Variants in CEP164 observed in about 807,000 individuals in gnomAD.
The protein encoded by CEP164 is centrosomal protein 164.
In CEP164, 162 loss-of-function variants were observed where a neutral mutation model predicts 182.7. That is an observed-to-expected ratio of 0.89 (90% CI 0.78 to 1.01). The LOEUF (loss-of-function observed/expected upper bound fraction) is 1.01, where lower values mean the gene tolerates loss of function less well. Among genes scored for constraint, CEP164 ranks in the 50% least tolerant of loss-of-function variants. CEP164 has a pLI of 0.00. For missense variants in CEP164, 1,735 were observed against 1,790.4 expected (o/e 0.97, Z 0.56); for synonymous variants, 661 against 690.0 (o/e 0.96, Z 0.66).
At chr11:117,355,657 G>A in intron 5 of CEP164, 1 of 1,191,256 alleles carries the variant, frequency 8.4e-7, no homozygotes, top group Non-Finnish European at 1.1e-6. Context: ...TGAGCTGGCA[G>A]GGAGTTCCTG....
chr11:117,325,178 G>C (rs542959548), upstream of CEP164, among the ~76,000 whole-genome samples: 4 of 152,112 alleles, frequency 2.6e-5, no homozygotes, highest in Non-Finnish European at 4.4e-5. Context: ...CCTGCCTCTC[G>C]GGTTCAAGCG....
chr11:117,338,090 C>G (rs189853672), intron 2 of CEP164, among the ~76,000 whole-genome samples: 1 of 151,962 alleles, frequency 6.6e-6, no homozygotes, highest in Admixed American at 6.6e-5. Context: ...CTCTTGAGGT[C>G]GTTCCCGCCA....
intron 17 of CEP164, 128 bp from the exon 18 acceptor site, chr11:117,392,098 C>T (rs541247831): frequency 6.1e-6 from 4 of 654,478 alleles, no homozygotes; most frequent in African/African-American, 5.4e-5. Flanking sequence ...CAAAGATGTG[C>T]TGTGCTTCCC....
intron 5 of CEP164, chr11:117,354,974 C>T (rs947271958): frequency 2.3e-6 from 3 of 1,289,292 alleles, no homozygotes; most frequent in Admixed American, 4.6e-5. Context: ...TTCATCCTTT[C>T]TCTGCAGCTT....
chr11:117,400,510 T>C (rs905699136), intron 27 of CEP164, among the ~76,000 whole-genome samples: 3 of 152,188 alleles, frequency 2.0e-5, no homozygotes. Context: ...TAGTTTTTTC[T>C]AATTCTGTGA....
In CEP164 at chr11:117,408,667, C is replaced by A. The variant is rs541629869; in HGVS notation, c.3610-223C>A. The A allele has an allele frequency of 9.7e-5, 56 of 577,548 alleles. 3 individuals carry two copies. In the African/African-American group the frequency reaches 1.0e-3, roughly 10 times the overall value. 35.8% of individuals were successfully genotyped at this position (577,548 alleles called of 1,614,324 possible). On this transcript the variant is annotated intron_variant, in intron 28 of 32. Transcript: ENST00000278935. ...CCAAGTCCTCAGTTCCCACACATCACAAGGGCGACAGCCTACATACCACCT... is the reference window on the plus strand; with the variant it reads ...CCAAGTCCTCAGTTCCCACACATCAAAAGGGCGACAGCCTACATACCACCT...
At chr11:117,345,686 C>T (rs912950913) in intron 4 of CEP164, among the ~76,000 whole-genome samples, 11 of 151,756 alleles carry the variant, frequency 7.2e-5, no homozygotes, top group Non-Finnish European at 1.5e-4. Flanking sequence ...CTTTTTGTTT[C>T]TTGATCTTTT....
intron 27 of CEP164, among the ~76,000 whole-genome samples, chr11:117,398,277 CT>C (rs1172928692): frequency 1.3e-5 from 2 of 152,236 alleles, no homozygotes; most frequent in Non-Finnish European, 2.9e-5. Flanking sequence ...AGCTCCGCCC[CT>C]GTGGCTTTGC....
chr11:117,355,824 T>C lies in CEP164; in HGVS notation c.393+3836T>C, dbSNP rs2040232440. The C allele has an allele frequency of 4.6e-6, 5 of 1,078,952 alleles. No individual in the cohort carries two copies. In the South Asian group the frequency reaches 1.1e-4, roughly 24 times the overall value. 66.8% of individuals were successfully genotyped at this position (1,078,952 alleles called of 1,614,324 possible). ...GCTCTAGGGGCCTCAGCTGAAGATC[T>C]ACCTCAGGGTCTCTTGCTAATACCA... On this transcript the variant is annotated intron_variant, in intron 5 of 32. Transcript: ENST00000278935.
rs2035558492 is a variant in CEP164 at position 117,327,876 on chromosome 11, C to G, written c.-126C>G. 1 of 152,232 alleles carries G rather than the reference C, an allele frequency of 6.6e-6. No individual in the cohort carries two copies. The highest frequency in any genetic ancestry group is 1.5e-5 in the Non-Finnish European group (1 of 68,066). 9.4% of individuals were successfully genotyped at this position (152,232 alleles called of 1,614,324 possible). On this transcript the variant is annotated 5_prime_UTR_variant, in exon 1 of 33. Coordinates refer to ENST00000278935, the MANE Select transcript of CEP164 (RefSeq NM_014956.5). Reference sequence around the variant, plus strand: ...TTTGTTGCGCGCTGCAGGGCAACACCCCGGCGTCCCTGGAAGCTGGGGGAG... The same window carrying G: ...TTTGTTGCGCGCTGCAGGGCAACACGCCGGCGTCCCTGGAAGCTGGGGGAG...
Position 117,394,828 on chromosome 11 carries a change from T to C in CEP164, c.2761-92T>C. The C allele has an allele frequency of 8.1e-7, 1 of 1,236,132 alleles. No individual in the cohort carries two copies. The highest frequency in any genetic ancestry group is 2.3e-5 in the East Asian group (1 of 42,914). 76.6% of individuals were successfully genotyped at this position (1,236,132 alleles called of 1,614,324 possible). The stretch of plus-strand genomic sequence containing the variant: ...AAGCCTGAGCCCAGAGTGGAGGTTG[T>C]GGTGTGGCATGGTGGGTTCTGGAAC... On this transcript the variant is annotated intron_variant, in intron 21 of 32. Transcript: ENST00000278935. This position sits in a 1 kb window ranked among gnomAD's most constrained non-coding sequence, Gnocchi z 4.0.
intron 15 of CEP164, 117 bp downstream of exon 15, chr11:117,387,529 A>C: frequency 4.2e-6 from 4 of 961,426 alleles, no homozygotes; most frequent in Non-Finnish European, 4.6e-6. Context: ...AGACCAACTA[A>C]AGTTGGGAAA....
intron 14 of CEP164, chr11:117,386,571 T>G (rs1465718949): frequency 1.3e-5 from 2 of 152,986 alleles, no homozygotes; most frequent in East Asian, 3.9e-4. Context: ...GGCACTCATG[T>G]GCATGCTTGC....
chr11:117,345,548 C>T (rs1369464290), intron 4 of CEP164, among the ~76,000 whole-genome samples: 3 of 152,204 alleles, frequency 2.0e-5, no homozygotes, highest in Non-Finnish European at 4.4e-5. Flanking sequence ...ATTTTGTAGA[C>T]AAGGCGTAAT....
Position 117,395,635 on chromosome 11 carries a change from TTGA to T in CEP164, c.3006_3008del (p.Asp1002del), listed in dbSNP as rs779936345. The T allele has an allele frequency of 1.9e-6, 3 of 1,613,936 alleles. No individual in the cohort carries two copies. The highest frequency in any genetic ancestry group is 2.5e-6 in the Non-Finnish European group (3 of 1,180,036). On this transcript the variant is annotated inframe_deletion, in exon 24 of 33. Coordinates refer to ENST00000278935, the MANE Select transcript of CEP164 (RefSeq NM_014956.5). Reference sequence around the variant, plus strand: ...TCAAACCAGCAGCTCCGAGAAATTCTTGATGAGCTGCAGGCCCGCAAGCTGAAG... The same window carrying T: ...TCAAACCAGCAGCTCCGAGAAATTCTTGAGCTGCAGGCCCGCAAGCTGAAG...
rs545471229 is a variant in CEP164 at position 117,381,748 on chromosome 11, G to A, written c.1457G>A (p.Arg486His). ...GAGGAGCGGGCCCAGAGTCCCCCTC[G>A]CAGCCTGGCCACTGAAGAAGAGCCT... The part of the protein sequence containing the change: ...PHEERAQSPP[R>H]SLATEEEPPQ... The change falls in exon 13 of 33, where the codon CGC becomes CAC. Residue 486 changes from arginine (R) to histidine (H), a missense_variant. Physicochemically the swap from Arg to His is conservative, Grantham distance 29 (BLOSUM62 0). Coordinates refer to ENST00000278935, the MANE Select transcript of CEP164 (RefSeq NM_014956.5). 18 of 1,609,148 alleles carry A rather than the reference G, an allele frequency of 1.1e-5. No homozygotes were observed. Among genetic ancestry groups the A allele is most frequent in the Middle Eastern group, 1.7e-4 (1 of 5,924 alleles).
At chr11:117,392,855 T>C (rs1035343381) in intron 19 of CEP164, 149 bp from the exon 20 acceptor site, 21 of 1,312,672 alleles carry the variant, frequency 1.6e-5, no homozygotes, top group Middle Eastern at 5.2e-4. Context: ...GGCTGTGTGC[T>C]GACCATGGTG....
intron 30 of CEP164, chr11:117,410,617 C>CA (rs1252262743): frequency 2.0e-6 from 1 of 490,042 alleles, no homozygotes; most frequent in African/African-American, 1.9e-5. Flanking sequence ...TGAGGGGAAA[C>CA]AAAATATCTT....
chr11:117,349,572 A>G (rs1235098867), intron 4 of CEP164, among the ~76,000 whole-genome samples: 1 of 152,116 alleles, frequency 6.6e-6, no homozygotes, highest in Non-Finnish European at 1.5e-5. Flanking sequence ...TGCAGCCTCG[A>G]ACAGCTGGGC....
Sources: gnomAD v4.1 joint callset for allele counts (sites outside exome capture counted in the v4.1 genomes callset) on GRCh38, gnomAD v4.1.1 for gene constraint, Gnocchi (gnomAD v3.1) non-coding constraint, MANE v1.5 for transcripts, NCBI Gene and HGNC (gene_info 2026-07-23, HGNC 2026-07-21) for gene names.